Variants in ELL2 observed in about 807,000 individuals in gnomAD.
ELL2 encodes the protein elongation factor for RNA polymerase II 2, also known as RNA polymerase II elongation factor ELL2.
Under a neutral mutation model 72.8 loss-of-function variants are expected in ELL2, and 21 were observed. The ratio of observed to expected loss-of-function variants is 0.29; its 90% confidence interval spans 0.20 to 0.42. The LOEUF (loss-of-function observed/expected upper bound fraction) is 0.42. ELL2 is among the 10% of genes least tolerant of loss of function. The pLI, the probability that ELL2 is intolerant of heterozygous loss-of-function variation, is 1.00. For missense variants in ELL2, 568 were observed against 772.8 expected, an observed-to-expected ratio of 0.73 and a Z score of 3.14; for synonymous variants, 266 against 283.2, an observed-to-expected ratio of 0.94 and a Z score of 0.61.
intron 1 of ELL2, among the ~76,000 whole-genome samples, chr5:95,952,014 C>A (rs922818246): frequency 6.6e-6 from 1 of 151,972 alleles, no homozygotes; most frequent in African/African-American, 2.4e-5. Context: ...AGTAAAATCA[C>A]GAGTTATTTT....
chr5:95,908,896 T>A (rs1270777052), intron 4 of ELL2, among the ~76,000 whole-genome samples: 2 of 152,142 alleles, frequency 1.3e-5, no homozygotes, highest in African/African-American at 4.8e-5. Flanking sequence ...GGAAGGGGGA[T>A]GGGCAGAGAA....
Position 95,887,366 on chromosome 5 carries a change from T to A in ELL2, c.*1505A>T, listed in dbSNP as rs1279784951. ...TAACCAACATTTTTCTGGTTTACAG[T>A]GATACACAACAAAGTTATTCATTTA... On this transcript the variant is annotated 3_prime_UTR_variant, in exon 12 of 12. Transcript: ENST00000237853. 11 of 152,630 alleles carry A rather than the reference T, an allele frequency of 7.2e-5. No individual in the cohort carries two copies. The highest frequency in any genetic ancestry group is 7.2e-4 in the Admixed American group (11 of 15,282). The allele number at this position is 152,630 out of a possible 1,614,324, so 9.5% of individuals were successfully genotyped here. A position where few individuals can be genotyped will look rare whatever the true frequency, so the allele number is the denominator to read the frequency against.
At chr5:95,897,608 T>C (rs1446789921) in intron 8 of ELL2, among the ~76,000 whole-genome samples, 11 of 152,346 alleles carry the variant, frequency 7.2e-5, no homozygotes, top group Middle Eastern at 3.4e-3. Flanking sequence ...ATTTTACAAA[T>C]AACAATTGAT....
chr5:95,952,885 C>A (rs1751471472), intron 1 of ELL2, among the ~76,000 whole-genome samples: 1 of 152,078 alleles, frequency 6.6e-6, no homozygotes, highest in African/African-American at 2.4e-5. Context: ...AGAGGCCAGT[C>A]AAACAGAGGA....
intron 1 of ELL2, among the ~76,000 whole-genome samples, chr5:95,955,769 A>G (rs1751606760): frequency 1.3e-5 from 2 of 152,068 alleles, no homozygotes. Context: ...GACTTAGTTC[A>G]TCTTCAGTGT....
chr5:95,916,838 A>T (rs958434526), intron 3 of ELL2, among the ~76,000 whole-genome samples: 1 of 151,872 alleles, frequency 6.6e-6, no homozygotes, highest in Non-Finnish European at 1.5e-5. Flanking sequence ...AGTGGGAGAA[A>T]ATGACTGCAA....
chr5:95,944,085 C>A (rs958913965), intron 1 of ELL2, among the ~76,000 whole-genome samples: 1 of 152,160 alleles, frequency 6.6e-6, no homozygotes, highest in Non-Finnish European at 1.5e-5. Context: ...TATAGAGGCA[C>A]TAATATGTTC....
At chr5:95,955,801 T>C (rs1751608141) in intron 1 of ELL2, among the ~76,000 whole-genome samples, 1 of 151,980 alleles carries the variant, frequency 6.6e-6, no homozygotes, top group African/African-American at 2.4e-5. Flanking sequence ...TAATATCACA[T>C]TTTAGGGACA....
At chr5:95,896,306 G>A (rs1266431674) in intron 8 of ELL2, among the ~76,000 whole-genome samples, 5 of 151,644 alleles carry the variant, frequency 3.3e-5, no homozygotes, top group Admixed American at 6.6e-5. Flanking sequence ...GACAAAAGAA[G>A]TGCTAAACAT....
chr5:95,940,709 A>C (rs993890509), intron 2 of ELL2, among the ~76,000 whole-genome samples: 2 of 152,220 alleles, frequency 1.3e-5, no homozygotes, highest in Non-Finnish European at 2.9e-5. Context: ...TTAAATTTAA[A>C]TCTATTAATT....
chr5:95,932,426 C>A (rs977962074), intron 2 of ELL2, among the ~76,000 whole-genome samples: 10 of 152,028 alleles, frequency 6.6e-5, no homozygotes, highest in African/African-American at 2.2e-4. Context: ...GAGAAAGAGA[C>A]ACTTTGGCAA....
At chr5:95,914,418 T>C (rs567511646) in intron 3 of ELL2, among the ~76,000 whole-genome samples, 48 of 152,180 alleles carry the variant, frequency 3.2e-4, no homozygotes, top group Non-Finnish European at 6.5e-4. Flanking sequence ...TGACAAAAAT[T>C]AAAGCTTACT....
chr5:95,945,893 T>G (rs575594067), intron 1 of ELL2, among the ~76,000 whole-genome samples: 1 of 152,302 alleles, frequency 6.6e-6, no homozygotes, highest in African/African-American at 2.4e-5. Flanking sequence ...TGTCTTCATT[T>G]TTAGTTTCTA....
Position 95,898,547 on chromosome 5 carries a change from C to T in ELL2, c.1218G>A (p.Gly406=), listed in dbSNP as rs758045644. ...SNSPSTPEGR[G]TQDLPVDSFS... ...AACTGTCAACAGGTAGGTCTTGAGT[C>T]CCCCGGCCTTCTGGAGTGCTAGGGG... Residue 406 remains glycine (G), a synonymous_variant, in exon 8 of 12, where the codon GGG becomes GGA. Transcript: ENST00000237853. 1.2e-6 allele frequency: 2 copies of T among 1,614,054 alleles called. No individual in the cohort carries two copies. The highest frequency in any genetic ancestry group is 1.1e-5 in the South Asian group (1 of 91,072).
intron 10 of ELL2, among the ~76,000 whole-genome samples, chr5:95,889,929 T>C (rs1748597653): frequency 6.6e-6 from 1 of 151,982 alleles, no homozygotes. Flanking sequence ...TAGCCTAATG[T>C]ATGTACCAAG....
chr5:95,901,714 T>G (rs1009446800), intron 5 of ELL2, among the ~76,000 whole-genome samples: 5 of 152,206 alleles, frequency 3.3e-5, no homozygotes, highest in African/African-American at 1.2e-4. Context: ...GGCTAGTGAC[T>G]AATGGGGGAC....
chr5:95,926,150 G>C (rs939493910), intron 2 of ELL2, among the ~76,000 whole-genome samples: 1 of 151,568 alleles, frequency 6.6e-6, no homozygotes, highest in African/African-American at 2.4e-5. Flanking sequence ...TATGACTTTA[G>C]GCCCAAACAT....
Position 95,943,682 on chromosome 5 carries a change from T to C in ELL2, c.148-633A>G, listed in dbSNP as rs149850093. 1.9e-4 allele frequency among the ~76,000 whole-genome samples: 29 copies of C among 152,352 alleles called. No homozygotes were observed. The East Asian group carries it at 5.4e-3, about 28-fold the overall frequency. On this transcript the variant is annotated intron_variant, in intron 1 of 11. Transcript: ENST00000237853. Reference sequence around the variant, plus strand: ...CTGTTTGCTATTTTCTCACATTTTATCAGAGATTTGTTTTTAATTGAGAGC... The same window carrying C: ...CTGTTTGCTATTTTCTCACATTTTACCAGAGATTTGTTTTTAATTGAGAGC...
chr5:95,937,592 T>C (rs1454207735), intron 2 of ELL2, among the ~76,000 whole-genome samples: 6 of 152,114 alleles, frequency 3.9e-5, no homozygotes, highest in Non-Finnish European at 8.8e-5. Context: ...TACTATTTTA[T>C]TAACACCTTA....
Sources: allele counts gnomAD v4.1 joint callset (sites outside exome capture counted in the v4.1 genomes callset), GRCh38; gene constraint gnomAD v4.1.1; transcripts MANE v1.5; gene names NCBI Gene and HGNC (gene_info 2026-07-23, HGNC 2026-07-21).